Variants in PIP5K1A observed in about 807,000 individuals in gnomAD.
PIP5K1A encodes phosphatidylinositol 4-phosphate 5-kinase type-1 alpha.
In PIP5K1A, 46 loss-of-function variants were observed where a neutral mutation model predicts 72.9. That is an observed-to-expected ratio of 0.63 (90% confidence interval 0.50 to 0.81). The LOEUF is 0.81. Among genes scored for constraint, PIP5K1A ranks in the 30% least tolerant of loss-of-function variants. The probability of loss-of-function intolerance (pLI) is 0.00; values close to 1 mark genes in which losing one functional copy is unlikely to be tolerated. For missense variants in PIP5K1A, 458 were observed against 706.1 expected, an observed-to-expected ratio of 0.65 and a Z score of 3.98; for synonymous variants, 228 against 255.1, an observed-to-expected ratio of 0.89 and a Z score of 1.01.
intron 15 of PIP5K1A, 129 bp downstream of exon 15, chr1:151,247,094 T>A (rs761862245): frequency 4.7e-6 from 2 of 428,616 alleles, no homozygotes; most frequent in South Asian, 8.2e-5. Context: ...GTTTTTTATT[T>A]TTTATTATTT....
intron 1 of PIP5K1A, among the ~76,000 whole-genome samples, chr1:151,201,425 C>T (rs1051925057): frequency 6.6e-6 from 1 of 151,910 alleles, no homozygotes. Context: ...TCTTGGCTTA[C>T]TGCAACCTCT....
chr1:151,223,321 G>T (rs587696796), intron 1 of PIP5K1A, among the ~76,000 whole-genome samples: 1 of 138,842 alleles, frequency 7.2e-6, no homozygotes, highest in South Asian at 2.5e-4. Flanking sequence ...TTGCACTCCA[G>T]CCTCGGTGAC....
chr1:151,218,014 G>T (rs374085407), intron 1 of PIP5K1A, among the ~76,000 whole-genome samples: 18 of 152,230 alleles, frequency 1.2e-4, no homozygotes, highest in African/African-American at 3.1e-4. Context: ...GGCCTCAGGT[G>T]ATCCACTGCC....
chr1:151,213,851 A>G (rs1190217674), intron 1 of PIP5K1A, among the ~76,000 whole-genome samples: 1 of 152,162 alleles, frequency 6.6e-6, no homozygotes, highest in African/African-American at 2.4e-5. Flanking sequence ...TAATTGTTAA[A>G]TTATGTAACA....
chr1:151,245,503 G>C (rs896930694), intron 14 of PIP5K1A, among the ~76,000 whole-genome samples: 1 of 152,120 alleles, frequency 6.6e-6, no homozygotes, highest in Non-Finnish European at 1.5e-5. Context: ...GTCTCACTCT[G>C]TTGCCCAGGC....
In PIP5K1A at chr1:151,242,265, G is replaced by A; in HGVS notation, c.1506G>A (p.Glu502=). ...KAQVTTKAEV[E]PGVHLGRPDV... is the part of the protein sequence containing the mutation. Reference sequence around the variant, plus strand: ...AAGTGACAACAAAGGCAGAAGTGGAGCCAGGTCAGCGCTAGGGCTGGGGTC... The same window carrying A: ...AAGTGACAACAAAGGCAGAAGTGGAACCAGGTCAGCGCTAGGGCTGGGGTC... The change falls in exon 13 of 16, where the codon GAG becomes GAA. Residue 502 remains glutamate (E), a synonymous_variant. Coordinates refer to ENST00000368888, the MANE Select transcript of PIP5K1A (RefSeq NM_001135638.2). 1 of 1,614,188 alleles carries A rather than the reference G, an allele frequency of 6.2e-7. No homozygotes were observed. The highest frequency in any genetic ancestry group is 8.5e-7 in the Non-Finnish European group (1 of 1,180,024).
At chr1:151,226,555 T>C (rs1689168590) in intron 3 of PIP5K1A, among the ~76,000 whole-genome samples, 1 of 151,304 alleles carries the variant, frequency 6.6e-6, no homozygotes, top group Non-Finnish European at 1.5e-5. Context: ...CTACTAATAA[T>C]ACAAAAAATT....
intron 8 of PIP5K1A, among the ~76,000 whole-genome samples, chr1:151,235,186 G>T (rs773018041): frequency 1.1e-4 from 17 of 152,094 alleles, no homozygotes; most frequent in Non-Finnish European, 2.1e-4. Flanking sequence ...AGATTCAAGC[G>T]ATTCTCCTGC....
intron 1 of PIP5K1A, among the ~76,000 whole-genome samples, chr1:151,219,412 C>T (rs1688081852): frequency 6.6e-6 from 1 of 150,658 alleles, no homozygotes. Context: ...AGAGGGCTGG[C>T]CCGGTGGCTC....
At chr1:151,202,031 C>T (rs1407467590) in intron 1 of PIP5K1A, among the ~76,000 whole-genome samples, 1 of 152,148 alleles carries the variant, frequency 6.6e-6, no homozygotes, top group Non-Finnish European at 1.5e-5. Flanking sequence ...TTTCACTTGT[C>T]AACAGTGTAA....
chr1:151,215,924 C>T (rs1687527183), intron 1 of PIP5K1A: 9 of 1,266,148 alleles, frequency 7.1e-6, no homozygotes, highest in Non-Finnish European at 9.4e-6. Flanking sequence ...AAATGGGACC[C>T]CAGGAGTAAG....
intron 1 of PIP5K1A, among the ~76,000 whole-genome samples, chr1:151,222,793 G>A (rs1404365528): frequency 6.6e-6 from 1 of 152,190 alleles, no homozygotes; most frequent in Non-Finnish European, 1.5e-5. Flanking sequence ...AAGCATGTGG[G>A]TATGTTGGGG....
chr1:151,240,561 C>T (rs759659244), intron 12 of PIP5K1A, among the ~76,000 whole-genome samples: 33 of 152,290 alleles, frequency 2.2e-4, no homozygotes, highest in Middle Eastern at 3.4e-3. Context: ...TTCTCTTTCC[C>T]TTCTTCTCAT....
intron 1 of PIP5K1A, among the ~76,000 whole-genome samples, chr1:151,219,611 T>C (rs951340663): frequency 2.6e-5 from 4 of 152,126 alleles, no homozygotes; most frequent in Admixed American, 2.0e-4. Flanking sequence ...GGAGAATCTC[T>C]TGAACCCGGG....
chr1:151,211,384 G>A (rs1273206635), intron 1 of PIP5K1A, among the ~76,000 whole-genome samples: 3 of 152,120 alleles, frequency 2.0e-5, no homozygotes, highest in Non-Finnish European at 2.9e-5. Context: ...CTACTCTGGA[G>A]TCTGAGGGGA....
chr1:151,229,296 TC>T (rs1247640892), intron 4 of PIP5K1A, among the ~76,000 whole-genome samples: 3 of 148,776 alleles, frequency 2.0e-5, no homozygotes, highest in Admixed American at 6.7e-5. Flanking sequence ...CAAGCCATCC[TC>T]CTACCTCAGC....
chr1:151,221,644 T>G (rs934939195), intron 1 of PIP5K1A, among the ~76,000 whole-genome samples: 3 of 152,220 alleles, frequency 2.0e-5, no homozygotes, highest in African/African-American at 7.2e-5. Flanking sequence ...TAATGATATA[T>G]ATAAATCATG....
intron 1 of PIP5K1A, among the ~76,000 whole-genome samples, chr1:151,206,554 C>T (rs985065705): frequency 6.6e-6 from 1 of 151,876 alleles, no homozygotes; most frequent in African/African-American, 2.4e-5. Flanking sequence ...TATATTAATA[C>T]TTTTTTTGTT....
chr1:151,230,760 G>A (rs1220456369), intron 4 of PIP5K1A, among the ~76,000 whole-genome samples: 1 of 152,156 alleles, frequency 6.6e-6, no homozygotes, highest in Non-Finnish European at 1.5e-5. Flanking sequence ...GGCTGGTCTC[G>A]AACTCTTGGC....
Sources: gnomAD v4.1 joint callset for allele counts (sites outside exome capture counted in the v4.1 genomes callset) on GRCh38, gnomAD v4.1.1 for gene constraint, MANE v1.5 for transcripts, NCBI Gene and HGNC (gene_info 2026-07-23, HGNC 2026-07-21) for gene names.